Variants in ESR1 observed in about 807,000 individuals in gnomAD.
ESR1 encodes the protein estrogen receptor.
A neutral mutation model predicts 52.7 loss-of-function variants in ESR1; 12 were observed. That is an observed-to-expected ratio of 0.23 (90% CI 0.15 to 0.37). The LOEUF is 0.37. Ranked by LOEUF, ESR1 falls within the 10% of genes least tolerant of loss-of-function variation. The probability of loss-of-function intolerance (pLI) is 1.00; values close to 1 mark genes in which losing one functional copy is unlikely to be tolerated. For synonymous variants in ESR1, 305 were observed against 316.8 expected (o/e 0.96, Z 0.39); for missense variants, 584 against 779.7 (o/e 0.75, Z 2.99).
chr6:152,016,785 C>A (rs2043201700), intron 5 of ESR1, among the ~76,000 whole-genome samples: 1 of 152,236 alleles, frequency 6.6e-6, no homozygotes, highest in East Asian at 1.9e-4. Context: ...AGCTGAGAGG[C>A]AGATGATGGT....
At chr6:152,015,798 T>C (rs1258928352) in intron 5 of ESR1, among the ~76,000 whole-genome samples, 1 of 152,236 alleles carries the variant, frequency 6.6e-6, no homozygotes, top group East Asian at 1.9e-4. Context: ...TGTGCTTATA[T>C]GTCTGCTTAT....
At position 151,813,458 on chromosome 6, in the gene ESR1, A is replaced by G. The variant is rs145395628; in HGVS notation, c.452+5094A>G. ...TAGGTGGTATTTCTGGATGCCTCCT[A>G]TGGACCCTGGAGATGTTCATCCTAT... On this transcript the variant is annotated intron_variant, in intron 1 of 7. Coordinates refer to ENST00000206249, the MANE Select transcript of ESR1 (RefSeq NM_000125.4). 1.9e-4 allele frequency: 29 copies of G among 152,278 alleles called. No individual in the cohort carries two copies. In the East Asian group the frequency reaches 4.4e-3, roughly 23 times the overall value. 9.4% of individuals were successfully genotyped at this position (152,278 alleles called of 1,614,324 possible).
rs141953694 is a variant in ESR1 at position 151,777,478 on chromosome 6, A to G, written c.-70-30365A>G. ...TATTGGTTAGGGTTGAGGCAATGGA[A>G]ATCTGAAAGAAAGGGTGAGTTAGGT... is the stretch of plus-strand genomic sequence containing the variant. On this transcript the variant is annotated intron_variant, in intron 2 of 2. Coordinates refer to the ESR1 transcript ENST00000404742. 4.6e-5 allele frequency among the ~76,000 whole-genome samples: 7 copies of G among 152,240 alleles called. No homozygotes were observed. The East Asian group carries it at 1.2e-3, about 25-fold the overall frequency.
chr6:151,999,289 C>T (rs2041760923), intron 4 of ESR1, among the ~76,000 whole-genome samples: 1 of 152,062 alleles, frequency 6.6e-6, no homozygotes, highest in East Asian at 1.9e-4. Flanking sequence ...CTTGCATTTA[C>T]ATTTAATCTT....
chr6:151,817,572 C>T (rs1167107985), intron 1 of ESR1, among the ~76,000 whole-genome samples: 1 of 152,180 alleles, frequency 6.6e-6, no homozygotes, highest in Non-Finnish European at 1.5e-5. Context: ...AATTCTACTC[C>T]TCAGCTTTCC....
Position 151,875,243 on chromosome 6 carries a change from C to A in ESR1, c.644-5412C>A, listed in dbSNP as rs78156312. Among the ~76,000 whole-genome samples the A allele has an allele frequency of 9.3e-4, 141 of 152,228 alleles. 1 individual carries two copies. The East Asian group carries it at 0.019, about 20-fold the overall frequency. ...CACCCAGTGCTGAAGAGCAGACTGC[C>A]CCTGCTTAGAACCAAGCCTTGTTCT... On this transcript the variant is annotated intron_variant, in intron 2 of 7. Coordinates refer to ENST00000206249, the MANE Select transcript of ESR1 (RefSeq NM_000125.4).
intron 3 of ESR1, among the ~76,000 whole-genome samples, chr6:151,940,744 G>A (rs1463072129): frequency 2.6e-5 from 4 of 152,076 alleles, no homozygotes; most frequent in Non-Finnish European, 5.9e-5. Context: ...TTCATTCAAC[G>A]AATATTGAAT....
chr6:151,968,797 G>A (rs2038584238), intron 4 of ESR1, among the ~76,000 whole-genome samples: 1 of 152,080 alleles, frequency 6.6e-6, no homozygotes, highest in Non-Finnish European at 1.5e-5. Flanking sequence ...ACACCTTCAG[G>A]CTGGTGGGAG....
Position 152,061,835 on chromosome 6 carries a change from G to A in ESR1, c.1369+711G>A, listed in dbSNP as rs552810450. Among the ~76,000 whole-genome samples, 6 of 152,252 alleles carry A rather than the reference G, an allele frequency of 3.9e-5. No individual in the cohort carries two copies. The highest frequency in any genetic ancestry group is 1.4e-4 in the African/African-American group (6 of 41,562). On this transcript the variant is annotated intron_variant, in intron 6 of 7. Transcript: ENST00000206249. The surrounding 1 kb of genome is among the most constrained non-coding windows in gnomAD (Gnocchi z 4.3). ...TCTATGTCACCAAGATGGAAACTATGGTTCAGCCTGAATTAGTGCCCTGAC... is the reference window on the plus strand; with the variant it reads ...TCTATGTCACCAAGATGGAAACTATAGTTCAGCCTGAATTAGTGCCCTGAC...
chr6:151,718,047 C>G (rs2128011642), intron 2 of ESR1, among the ~76,000 whole-genome samples: 1 of 152,190 alleles, frequency 6.6e-6, no homozygotes, highest in East Asian at 1.9e-4. Context: ...TGGTAGCACT[C>G]AATAGACATC....
At chr6:151,924,225 T>C (rs1280917021) in intron 3 of ESR1, among the ~76,000 whole-genome samples, 1 of 152,066 alleles carries the variant, frequency 6.6e-6, no homozygotes, top group Non-Finnish European at 1.5e-5. Flanking sequence ...GTATTTTTAG[T>C]AGAGATGGGG....
chr6:151,874,767 A>G (rs1324742113), intron 2 of ESR1, among the ~76,000 whole-genome samples: 3 of 152,204 alleles, frequency 2.0e-5, no homozygotes, highest in African/African-American at 7.2e-5. Flanking sequence ...TTTTATTTCT[A>G]GGAAAATAAT....
At chr6:151,769,075 A>G (rs1354209722) in intron 2 of ESR1, among the ~76,000 whole-genome samples, 1 of 152,198 alleles carries the variant, frequency 6.6e-6, no homozygotes, top group South Asian at 2.1e-4. Context: ...AGTCCTGCAG[A>G]TCCTGGAACA....
intron 4 of ESR1, among the ~76,000 whole-genome samples, chr6:152,005,680 A>C (rs55839858): frequency 0.13 from 19,109 of 152,052 alleles, 1,241 homozygotes; most frequent in South Asian, 0.19. Flanking sequence ...AGGCCAGTCC[A>C]TCTGCATTTT....
intron 2 of ESR1, among the ~76,000 whole-genome samples, chr6:151,776,826 T>C (rs1786039310): frequency 7.4e-6 from 1 of 135,890 alleles, no homozygotes; most frequent in South Asian, 2.3e-4. Context: ...CAACAAAGAG[T>C]GAAACTCCGT....
intron 1 of ESR1, among the ~76,000 whole-genome samples, chr6:151,839,501 A>G (rs1783933667): frequency 6.6e-6 from 1 of 152,214 alleles, no homozygotes; most frequent in Non-Finnish European, 1.5e-5. Context: ...ATATATCTAA[A>G]AGAATTAAAA....
At chr6:151,680,950 C>T in intron 1 of ESR1, among the ~76,000 whole-genome samples, 1 of 152,148 alleles carries the variant, frequency 6.6e-6, no homozygotes, top group Non-Finnish European at 1.5e-5. Context: ...GTGTCCTTGT[C>T]TCCCAGGGGT....
intron 1 of ESR1, among the ~76,000 whole-genome samples, chr6:151,667,116 A>G (rs1166665980): frequency 6.6e-6 from 1 of 152,178 alleles, no homozygotes; most frequent in Non-Finnish European, 1.5e-5. Context: ...ATCTCATTGG[A>G]TAACTAGAGC....
At chr6:151,807,671 G>A (rs1778098906), upstream of ESR1, 2 of 599,080 alleles carry the variant, frequency 3.3e-6, no homozygotes, top group Non-Finnish European at 5.9e-6. Context: ...TTGGAGGCCC[G>A]GGAGCCCAGG....
Sources: gnomAD v4.1 joint callset for allele counts (sites outside exome capture counted in the v4.1 genomes callset) on GRCh38, gnomAD v4.1.1 for gene constraint, Gnocchi (gnomAD v3.1) non-coding constraint, MANE v1.5 for transcripts, NCBI Gene and HGNC (gene_info 2026-07-23, HGNC 2026-07-21) for gene names.